PXDNL: variants seen among roughly 807,000 people sequenced by gnomAD.
PXDNL encodes the protein probable oxidoreductase PXDNL.
In PXDNL, 145 loss-of-function variants were observed where a neutral mutation model predicts 150.8. The observed-to-expected ratio is 0.96, with a 90% confidence interval of 0.84 to 1.10. The LOEUF is 1.10. PXDNL is among the 50% of genes least tolerant of loss of function. The pLI is 0.00. For missense variants in PXDNL, 2,087 were observed against 1,873.9 expected, an observed-to-expected ratio of 1.11 and a Z score of -2.10; for synonymous variants, 757 against 725.7, an observed-to-expected ratio of 1.04 and a Z score of -0.69.
chr8:51,717,279 T>C (rs907461354), intron 1 of PXDNL, among the ~76,000 whole-genome samples: 1 of 152,098 alleles, frequency 6.6e-6, no homozygotes, highest in Non-Finnish European at 1.5e-5. Context: ...GATAAAGACA[T>C]AGCTGCAGGG....
chr8:51,455,660 G>A (rs370493438), intron 9 of PXDNL, among the ~76,000 whole-genome samples: 2 of 152,268 alleles, frequency 1.3e-5, no homozygotes, highest in Non-Finnish European at 2.9e-5. Context: ...AGGAAGTCGT[G>A]TTCTCAAAGT....
intron 1 of PXDNL, among the ~76,000 whole-genome samples, chr8:51,707,251 A>G (rs1816400551): frequency 6.6e-6 from 1 of 152,214 alleles, no homozygotes; most frequent in Admixed American, 6.5e-5. Flanking sequence ...GCAGTTCATC[A>G]TGTGAGGAAA....
In PXDNL at chr8:51,699,022, G is replaced by T. The variant is rs991238614; in HGVS notation, c.165-44262C>A. ...AATGTGCTGTCATCCAGGCTTTGTT[G>T]TTCCACTTCTAGAGCACAGGCAGAG... is the stretch of plus-strand genomic sequence containing the variant. On this transcript the variant is annotated intron_variant, in intron 1 of 22. Coordinates refer to ENST00000356297, the MANE Select transcript of PXDNL (RefSeq NM_144651.5). Among the ~76,000 whole-genome samples, 3 of 152,138 alleles carry T rather than the reference G, an allele frequency of 2.0e-5. No individual in the cohort carries two copies. In the South Asian group the frequency reaches 6.2e-4, roughly 32 times the overall value.
rs1239330305 is a variant in PXDNL at position 51,760,936 on chromosome 8, G to A, written c.164+48245C>T. On this transcript the variant is annotated intron_variant, in intron 1 of 22. Coordinates refer to ENST00000356297, the MANE Select transcript of PXDNL (RefSeq NM_144651.5). Reference sequence around the variant, plus strand: ...TGCAGTGGCGCGATCTCAGCTCACTGCAAGCTCCGCCTCCCGGGTTCACGC... The same window carrying A: ...TGCAGTGGCGCGATCTCAGCTCACTACAAGCTCCGCCTCCCGGGTTCACGC... Among the ~76,000 whole-genome samples, 3 of 127,850 alleles carry A rather than the reference G, an allele frequency of 2.3e-5. No homozygotes were observed. The Admixed American group carries it at 2.8e-4, about 12-fold the overall frequency. 83.9% of individuals were successfully genotyped at this position (127,850 alleles called of 152,430 possible). A position where few individuals can be genotyped will look rare whatever the true frequency, so the allele number is the denominator to read the frequency against.
chr8:51,574,730 C>T (rs1031981834), intron 3 of PXDNL, among the ~76,000 whole-genome samples: 4 of 151,970 alleles, frequency 2.6e-5, no homozygotes, highest in Non-Finnish European at 4.4e-5. Flanking sequence ...TCATCAGAAA[C>T]CACAGACGCA....
chr8:51,417,058 T>C (rs958004368), intron 14 of PXDNL, among the ~76,000 whole-genome samples: 8 of 152,208 alleles, frequency 5.3e-5, no homozygotes, highest in African/African-American at 1.9e-4. Context: ...CAGCACTGTG[T>C]TATGTAAGCA....
At chr8:51,662,141 A>C (rs1291545111) in intron 1 of PXDNL, among the ~76,000 whole-genome samples, 1 of 152,226 alleles carries the variant, frequency 6.6e-6, no homozygotes, top group Non-Finnish European at 1.5e-5. Context: ...TGGGATCAGA[A>C]AATCAATTAT....
intron 2 of PXDNL, among the ~76,000 whole-genome samples, chr8:51,643,061 G>C (rs1179346039): frequency 2.6e-5 from 4 of 152,194 alleles, no homozygotes; most frequent in African/African-American, 9.6e-5. Flanking sequence ...ACAAATGGAA[G>C]AATATTCCAT....
intron 1 of PXDNL, among the ~76,000 whole-genome samples, chr8:51,666,415 G>A (rs1815386845): frequency 6.6e-6 from 1 of 152,030 alleles, no homozygotes; most frequent in Admixed American, 6.6e-5. Context: ...TATGCATGAG[G>A]AAGCATAAGT....
chr8:51,526,089 A>T (rs1476209746), intron 4 of PXDNL, among the ~76,000 whole-genome samples: 2 of 152,104 alleles, frequency 1.3e-5, no homozygotes, highest in African/African-American at 4.8e-5. Flanking sequence ...AAATGCCATC[A>T]TTTTACTATA....
At chr8:51,749,477 C>T (rs1005044892) in intron 1 of PXDNL, among the ~76,000 whole-genome samples, 1 of 151,242 alleles carries the variant, frequency 6.6e-6, no homozygotes, top group Non-Finnish European at 1.5e-5. Context: ...TATAGTGTAT[C>T]TAAACATATC....
chr8:51,524,064 GC>G (rs979117433), intron 4 of PXDNL, among the ~76,000 whole-genome samples: 24 of 152,178 alleles, frequency 1.6e-4, no homozygotes, highest in African/African-American at 5.3e-4. Context: ...TGCCTGTGTG[GC>G]ACCACCCATA....
intron 1 of PXDNL, among the ~76,000 whole-genome samples, chr8:51,772,237 T>TACACAC (rs139112734): frequency 0.011 from 1,470 of 130,398 alleles, 24 homozygotes; most frequent in African/African-American, 0.034. Flanking sequence ...TCTCTCTATA[T>TACACAC]ACACACACAC....
intron 2 of PXDNL, among the ~76,000 whole-genome samples, chr8:51,630,369 G>A (rs1421612247): frequency 2.0e-5 from 3 of 152,074 alleles, no homozygotes; most frequent in Non-Finnish European, 4.4e-5. Context: ...CTGGACATAG[G>A]CCTTGGCAAA....
Position 51,319,878 on chromosome 8 carries a change from C to T in PXDNL, c.*13G>A, listed in dbSNP as rs2130590206. 1 of 1,500,828 alleles carries T rather than the reference C, an allele frequency of 6.7e-7. No individual in the cohort carries two copies. The highest frequency in any genetic ancestry group is 2.4e-5 in the East Asian group (1 of 40,924). The allele number at this position is 1,500,828 out of a possible 1,614,324, so 93.0% of individuals were successfully genotyped here. ...AAATTTCCCATTTGGGGCTCAACAGCACAAAACTTTTATTAGCGCTTCTCT... is the reference window on the plus strand; with the variant it reads ...AAATTTCCCATTTGGGGCTCAACAGTACAAAACTTTTATTAGCGCTTCTCT... On this transcript the variant is annotated 3_prime_UTR_variant, in exon 23 of 23. Transcript: ENST00000356297.
At chr8:51,560,508 A>G (rs183366748) in intron 3 of PXDNL, among the ~76,000 whole-genome samples, 4 of 152,080 alleles carry the variant, frequency 2.6e-5, no homozygotes, top group African/African-American at 9.6e-5. Flanking sequence ...GCCCTTGCAT[A>G]TATGGTCAAA....
chr8:51,806,725 G>A (rs753566419), intron 1 of PXDNL, among the ~76,000 whole-genome samples: 2 of 152,114 alleles, frequency 1.3e-5, no homozygotes, highest in Non-Finnish European at 1.5e-5. Context: ...GAAAAGCTAG[G>A]GAATGTCACT....
intron 3 of PXDNL, among the ~76,000 whole-genome samples, chr8:51,573,522 G>A (rs1437671339): frequency 6.6e-6 from 1 of 151,928 alleles, no homozygotes; most frequent in African/African-American, 2.4e-5. Flanking sequence ...CAATAATAAA[G>A]CATTTATACC....
chr8:51,326,935 T>A (rs1012173787), intron 21 of PXDNL, among the ~76,000 whole-genome samples: 1 of 152,172 alleles, frequency 6.6e-6, no homozygotes, highest in African/African-American at 2.4e-5. Flanking sequence ...ATATGACTGA[T>A]GCTCTCATAA....
Sources: allele counts gnomAD v4.1 joint callset (sites outside exome capture counted in the v4.1 genomes callset), GRCh38; gene constraint gnomAD v4.1.1; transcripts MANE v1.5; gene names NCBI Gene and HGNC (gene_info 2026-07-23, HGNC 2026-07-21).